Variants in MTIF3 observed in about 807,000 individuals in gnomAD.
The protein encoded by MTIF3 is translation initiation factor IF-3, mitochondrial.
MTIF3 carries 13 observed loss-of-function variants against 20.7 expected under a neutral mutation model. The ratio of observed to expected loss-of-function variants is 0.63; its 90% CI spans 0.41 to 1.00. The LOEUF is 1.00. Ranked by LOEUF, MTIF3 falls within the 50% of genes least tolerant of loss-of-function variation. The probability of loss-of-function intolerance (pLI) is 0.00; values close to 1 mark genes in which losing one functional copy is unlikely to be tolerated. For missense variants in MTIF3, 295 were observed against 324.5 expected, an observed-to-expected ratio of 0.91 and a Z score of 0.70; for synonymous variants, 114 against 112.5, an observed-to-expected ratio of 1.01 and a Z score of -0.08.
chr13:27,448,385 T>C (rs1954247057), intron 1 of MTIF3, among the ~76,000 whole-genome samples: 1 of 152,240 alleles, frequency 6.6e-6, no homozygotes, highest in African/African-American at 2.4e-5. Flanking sequence ...CTAAGAACTC[T>C]TTTACACCTT....
intron 2 of MTIF3, among the ~76,000 whole-genome samples, chr13:27,442,985 A>C (rs1302620155): frequency 6.6e-6 from 1 of 152,198 alleles, no homozygotes; most frequent in Non-Finnish European, 1.5e-5. Flanking sequence ...CTCAGCATGC[A>C]CATGTCGAAT....
At chr13:27,449,476 G>A (rs1173644703) in intron 1 of MTIF3, among the ~76,000 whole-genome samples, 2 of 152,138 alleles carry the variant, frequency 1.3e-5, no homozygotes, top group African/African-American at 4.8e-5. Flanking sequence ...TTTATGCCTA[G>A]GCCACACTGG....
chr13:27,448,328 T>C (rs2138200405), intron 1 of MTIF3, among the ~76,000 whole-genome samples: 1 of 152,358 alleles, frequency 6.6e-6, no homozygotes, highest in South Asian at 2.1e-4. Context: ...GCATAGATTC[T>C]AGCGGACTAA....
At chr13:27,450,287 T>A (rs1039056854) in intron 1 of MTIF3, 4 of 152,262 alleles carry the variant, frequency 2.6e-5, no homozygotes, top group African/African-American at 4.8e-5. Flanking sequence ...AGGTCTAACA[T>A]CCCTCGGAAG....
chr13:27,449,724 T>C (rs1195460173), intron 1 of MTIF3: 1 of 152,270 alleles, frequency 6.6e-6, no homozygotes, highest in Non-Finnish European at 1.5e-5. Context: ...CCGTAAACTC[T>C]ACGAAGCAGG....
At position 27,437,233 on chromosome 13, in the gene MTIF3, A is replaced by C; in HGVS notation, c.501T>G (p.Ile167Met). The C allele has an allele frequency of 1.9e-6, 3 of 1,613,938 alleles. No individual in the cohort carries two copies. The highest frequency in any genetic ancestry group is 2.5e-6 in the Non-Finnish European group (3 of 1,180,002). ...TCTTTGTGTCCAAATCATGTTGTCC[A>C]ATATTTGAAGACAAAATCAGTTCCT... The part of the protein sequence containing the change: ...LRKELILSSN[I>M]GQHDLDTKTK... Residue 167 changes from isoleucine to methionine, a missense_variant, in exon 4 of 5, where the codon ATT becomes ATG. Physicochemically the swap from Ile to Met is conservative, Grantham distance 10. Transcript: ENST00000381120.
chr13:27,437,365 C>T, intron 3 of MTIF3, 92 bp from the exon 4 acceptor site: 1 of 1,149,600 alleles, frequency 8.7e-7, no homozygotes. Flanking sequence ...TCCTAGGTTG[C>T]CACCTGACAA....
At chr13:27,440,475 T>C (rs1301704993) in intron 2 of MTIF3, 26 bp from the exon 3 acceptor site, 2 of 1,527,840 alleles carry the variant, frequency 1.3e-6, no homozygotes, top group Non-Finnish European at 1.8e-6. Context: ...GAAGAGTTCA[T>C]TAAAATTCAA....
At chr13:27,440,522 C>T in intron 2 of MTIF3, 73 bp from the exon 3 acceptor site, 1 of 1,243,286 alleles carries the variant, frequency 8.0e-7, no homozygotes, top group Non-Finnish European at 1.1e-6. Flanking sequence ...TGGTACATGG[C>T]AGGGTGTGTG....
At chr13:27,443,410 T>A (rs969537238) in intron 2 of MTIF3, among the ~76,000 whole-genome samples, 7 of 152,222 alleles carry the variant, frequency 4.6e-5, no homozygotes, top group Non-Finnish European at 1.0e-4. Flanking sequence ...CAGTCCCAAA[T>A]GTCACTAGGT....
chr13:27,440,093 C>G lies in MTIF3; in HGVS notation c.356G>C (p.Arg119Thr), dbSNP rs764343169. The G allele has an allele frequency of 3.7e-6, 6 of 1,614,178 alleles. No homozygotes were observed. The South Asian group carries it at 6.6e-5, about 18-fold the overall frequency. Reference sequence around the variant, plus strand: ...CTCTGCAGGTTCTGTGCTGGTGTTCCTTTGAACCAGTCGCAGGTCTCGCTC... The same window carrying G: ...CTCTGCAGGTTCTGTGCTGGTGTTCGTTTGAACCAGTCGCAGGTCTCGCTC... ...MDERDLRLVQ[R>T]NTSTEPAEYQ... The change falls in exon 3 of 5, where the codon AGG (arginine) becomes ACG (threonine). Residue 119 changes from arginine to threonine, a missense_variant. Arg to Thr is a moderately conservative substitution (Grantham distance 71). Coordinates refer to ENST00000381120, the MANE Select transcript of MTIF3 (RefSeq NM_152912.5).
chr13:27,443,231 G>A (rs777034079), intron 2 of MTIF3, among the ~76,000 whole-genome samples: 3 of 152,216 alleles, frequency 2.0e-5, no homozygotes, highest in Non-Finnish European at 2.9e-5. Flanking sequence ...TGTAGATGCT[G>A]TAAAGGCTCT....
chr13:27,447,602 C>G (rs1222310726), intron 1 of MTIF3, among the ~76,000 whole-genome samples: 2 of 152,172 alleles, frequency 1.3e-5, no homozygotes, highest in East Asian at 3.8e-4. Context: ...TGAGTTTTGA[C>G]AAGTGCATAT....
chr13:27,439,369 G>A (rs767498780), intron 3 of MTIF3, among the ~76,000 whole-genome samples: 10 of 152,182 alleles, frequency 6.6e-5, no homozygotes, highest in Non-Finnish European at 1.3e-4. Context: ...GGTGGCGGGC[G>A]CCTGTAATCC....
intron 1 of MTIF3, among the ~76,000 whole-genome samples, chr13:27,449,416 T>C (rs562994520): frequency 1.4e-4 from 22 of 152,328 alleles, no homozygotes; most frequent in Non-Finnish European, 2.9e-4. Flanking sequence ...AGATTAAAGA[T>C]CTACACCTTC....
chr13:27,438,338 A>AAT (rs1953863416), intron 3 of MTIF3, among the ~76,000 whole-genome samples: 1 of 149,516 alleles, frequency 6.7e-6, no homozygotes, highest in Admixed American at 6.6e-5. Flanking sequence ...AAAAAAAAAA[A>AAT]AAAAGGCCAG....
At position 27,440,285 on chromosome 13, in the gene MTIF3, A is replaced by T. The variant is rs1953958557; in HGVS notation, c.164T>A (p.Phe55Tyr). ...RLSFLIHAKAFSTAEDTQNEG... is the reference protein window; with the variant it reads ...RLSFLIHAKAYSTAEDTQNEG... ...ATTCTGGGTGTCTTCAGCGGTACTA[A>T]AGGCTTTTGCATGAATTAGGAAGGA... Residue 55 changes from phenylalanine (F) to tyrosine (Y), a missense_variant, in exon 3 of 5, where the codon TTT becomes TAT. Physicochemically the swap from Phe to Tyr is conservative, Grantham distance 22 (BLOSUM62 3). Transcript: ENST00000381120. 1 of 1,614,002 alleles carries T rather than the reference A, an allele frequency of 6.2e-7. No homozygotes were observed. The highest frequency in any genetic ancestry group is 1.1e-5 in the South Asian group (1 of 91,088).
chr13:27,450,419 G>A (rs984046504), intron 1 of MTIF3, 90 bp downstream of exon 1: 2 of 152,316 alleles, frequency 1.3e-5, no homozygotes, highest in Non-Finnish European at 2.9e-5. Flanking sequence ...CTGACCTTCC[G>A]GGTGCCTCCT....
intron 1 of MTIF3, among the ~76,000 whole-genome samples, chr13:27,449,198 C>A (rs1236809486): frequency 6.6e-6 from 1 of 152,142 alleles, no homozygotes; most frequent in Non-Finnish European, 1.5e-5. Flanking sequence ...AACCCAACAC[C>A]AAGCCTCATC....
Sources: gnomAD v4.1 joint callset for allele counts (sites outside exome capture counted in the v4.1 genomes callset) on GRCh38, gnomAD v4.1.1 for gene constraint, MANE v1.5 for transcripts, NCBI Gene and HGNC (gene_info 2026-07-23, HGNC 2026-07-21) for gene names.